Variants in ARSJ observed in about 807,000 individuals in gnomAD.
The protein encoded by ARSJ is arylsulfatase J.
In ARSJ, 26 loss-of-function variants were observed where a neutral mutation model predicts 35.9. The ratio of observed to expected loss-of-function variants is 0.72; its 90% confidence interval spans 0.53 to 1.00. The LOEUF is 1.00. Among genes scored for constraint, ARSJ ranks in the 50% least tolerant of loss-of-function variants. ARSJ has a pLI of 0.00. For missense variants in ARSJ, 667 were observed against 723.6 expected, an observed-to-expected ratio of 0.92 and a Z score of 0.90; for synonymous variants, 294 against 267.6, an observed-to-expected ratio of 1.10 and a Z score of -0.96.
chr4:113,912,340 A>G (rs2149252869), intron 1 of ARSJ, among the ~76,000 whole-genome samples: 1 of 152,332 alleles, frequency 6.6e-6, no homozygotes, highest in African/African-American at 2.4e-5. Context: ...AAAAGTGAGA[A>G]TTGCACAGCA....
chr4:113,979,035 G>T lies in ARSJ; in HGVS notation c.-201C>A. 1 of 521,442 alleles carries T rather than the reference G, an allele frequency of 1.9e-6. No individual in the cohort carries two copies. Among genetic ancestry groups the T allele is most frequent in the Non-Finnish European group, 3.3e-6 (1 of 302,076 alleles). 32.3% of individuals were successfully genotyped at this position (521,442 alleles called of 1,614,324 possible). ...ATGGGACTCCGGAAGAACAAGGAGG[G>T]CTCGCTCTTCTCCAGCACATTTCAC... On this transcript the variant is annotated 5_prime_UTR_variant, in exon 1 of 2. Coordinates refer to ENST00000315366, the MANE Select transcript of ARSJ (RefSeq NM_024590.4).
intron 1 of ARSJ, among the ~76,000 whole-genome samples, chr4:113,926,901 TG>T (rs1724105164): frequency 6.6e-6 from 1 of 152,272 alleles, no homozygotes; most frequent in South Asian, 2.1e-4. Flanking sequence ...AGGCCTCTGC[TG>T]TGATTCACTT....
intron 1 of ARSJ, among the ~76,000 whole-genome samples, chr4:113,932,681 A>G (rs1489976405): frequency 6.6e-6 from 1 of 151,984 alleles, no homozygotes; most frequent in African/African-American, 2.4e-5. Context: ...TATATAACAT[A>G]CCCAAGTCTA....
chr4:113,977,119 G>A (rs1484310198), intron 1 of ARSJ, among the ~76,000 whole-genome samples: 2 of 152,136 alleles, frequency 1.3e-5, no homozygotes, highest in African/African-American at 4.8e-5. Context: ...CATATATAAG[G>A]GTGTTTGGAA....
intron 1 of ARSJ, among the ~76,000 whole-genome samples, chr4:113,925,719 T>C (rs998845446): frequency 6.6e-6 from 1 of 152,098 alleles, no homozygotes; most frequent in Admixed American, 6.5e-5. Flanking sequence ...AGTCCACAGA[T>C]GGTAGTCTTG....
chr4:113,938,498 A>T lies in ARSJ; in HGVS notation c.399-34823T>A, dbSNP rs184467098. ...GCATGGGCAAAGATTTCATGATGAA[A>T]ACATCAAAAACAATTGCAACAAAAG... On this transcript the variant is annotated intron_variant, in intron 1 of 1. Coordinates refer to ENST00000315366, the MANE Select transcript of ARSJ (RefSeq NM_024590.4). Among the ~76,000 whole-genome samples, 370 of 152,150 alleles carry T rather than the reference A, an allele frequency of 2.4e-3. 2 individuals carry two copies. Among genetic ancestry groups the T allele is most frequent in the African/African-American group, 8.7e-3 (360 of 41,554 alleles).
At chr4:113,949,688 C>G (rs1245062410) in intron 1 of ARSJ, among the ~76,000 whole-genome samples, 2 of 152,094 alleles carry the variant, frequency 1.3e-5, no homozygotes, top group African/African-American at 4.8e-5. Flanking sequence ...AGTCTCTGTA[C>G]TAAGGACTTT....
At position 113,902,384 on chromosome 4, in the gene ARSJ, G is replaced by C. The variant is rs746158379; in HGVS notation, c.1690C>G (p.Pro564Ala). 1.2e-5 allele frequency: 19 copies of C among 1,613,354 alleles called. No individual in the cohort carries two copies. The South Asian group carries it at 2.1e-4, about 18-fold the overall frequency. The change falls in exon 2 of 2, where the codon CCA (proline) becomes GCA (alanine). Residue 564 changes from proline (P) to alanine (A), a missense_variant. Coordinates refer to ENST00000315366, the MANE Select transcript of ARSJ (RefSeq NM_024590.4). ...WYKEETKKKK[P>A]SKNQAEKKQK... ...TTTTTCTCAGCCTGATTTTTGCTTG[G>C]CTTCTTTTTCTTGGTTTCCTCTTTA...
chr4:113,934,452 G>T (rs1724646437), intron 1 of ARSJ, among the ~76,000 whole-genome samples: 1 of 151,720 alleles, frequency 6.6e-6, no homozygotes, highest in African/African-American at 2.4e-5. Flanking sequence ...TGGAACTGGA[G>T]GTCTTTATAT....
chr4:113,908,277 G>A (rs1197156077), intron 1 of ARSJ, among the ~76,000 whole-genome samples: 4 of 151,216 alleles, frequency 2.6e-5, no homozygotes, highest in African/African-American at 9.7e-5. Context: ...GCTAACACAG[G>A]AGAATACTCT....
chr4:113,977,929 A>G (rs113108392), intron 1 of ARSJ, among the ~76,000 whole-genome samples: 6 of 152,208 alleles, frequency 3.9e-5, no homozygotes, highest in African/African-American at 1.4e-4. Flanking sequence ...CCCATCAAAG[A>G]CCGAAGCAGA....
At chr4:113,967,594 A>C (rs1409278275) in intron 1 of ARSJ, among the ~76,000 whole-genome samples, 2 of 152,162 alleles carry the variant, frequency 1.3e-5, no homozygotes, top group Non-Finnish European at 2.9e-5. Context: ...ATAGGTGTAC[A>C]ATCCTATGCC....
intron 1 of ARSJ, among the ~76,000 whole-genome samples, chr4:113,960,798 T>A (rs1431540049): frequency 6.6e-6 from 1 of 151,994 alleles, no homozygotes; most frequent in Non-Finnish European, 1.5e-5. Flanking sequence ...AGGGCAGTGT[T>A]TTTCAAACAA....
intron 1 of ARSJ, among the ~76,000 whole-genome samples, chr4:113,905,191 A>G (rs1216733026): frequency 6.6e-6 from 1 of 152,228 alleles, no homozygotes; most frequent in Admixed American, 6.5e-5. Flanking sequence ...TATAAGTTGA[A>G]AAACACTTTT....
intron 1 of ARSJ, among the ~76,000 whole-genome samples, chr4:113,933,968 A>G (rs1225610394): frequency 6.6e-6 from 1 of 151,894 alleles, no homozygotes; most frequent in African/African-American, 2.4e-5. Flanking sequence ...TATGCAGACA[A>G]CATGGTCTCA....
At position 113,973,667 on chromosome 4, in the gene ARSJ, G is replaced by T. The variant is rs75497413; in HGVS notation, c.398+4770C>A. Among the ~76,000 whole-genome samples, 2,037 of 152,060 alleles carry T rather than the reference G, an allele frequency of 0.013. 115 individuals carry two copies. The East Asian group carries it at 0.16, about 12-fold the overall frequency. The stretch of plus-strand genomic sequence containing the variant: ...TCCTAGCAGATATTTTGTATCTCTC[G>T]CCCTCTCTCGTTAAACCTTCAGATC... On this transcript the variant is annotated intron_variant, in intron 1 of 1. Coordinates refer to ENST00000315366, the MANE Select transcript of ARSJ (RefSeq NM_024590.4).
At chr4:113,973,120 G>A (rs1727379821) in intron 1 of ARSJ, among the ~76,000 whole-genome samples, 1 of 152,054 alleles carries the variant, frequency 6.6e-6, no homozygotes, top group Non-Finnish European at 1.5e-5. Flanking sequence ...TTTCTCAATG[G>A]ATATCCATGG....
In ARSJ at chr4:113,902,057, C is replaced by A; in HGVS notation, c.*217G>T. 1 of 1,431,494 alleles carries A rather than the reference C, an allele frequency of 7.0e-7. No individual in the cohort carries two copies. The highest frequency in any genetic ancestry group is 2.5e-5 in the East Asian group (1 of 40,018). The allele number at this position is 1,431,494 out of a possible 1,614,324, so 88.7% of individuals were successfully genotyped here. The stretch of plus-strand genomic sequence containing the variant: ...AGCAAGAGAAATAAACATCTCCACT[C>A]TCTCTAAGTGTGGCTTGCAAGAGTA... On this transcript the variant is annotated 3_prime_UTR_variant, in exon 2 of 2. Transcript: ENST00000315366.
intron 1 of ARSJ, among the ~76,000 whole-genome samples, chr4:113,942,996 T>C (rs779412830): frequency 2.0e-5 from 3 of 152,036 alleles, no homozygotes; most frequent in Non-Finnish European, 2.9e-5. Flanking sequence ...TAAAGGTAGA[T>C]TTTGAATCTC....
Sources: gnomAD v4.1 joint callset for allele counts (sites outside exome capture counted in the v4.1 genomes callset) on GRCh38, gnomAD v4.1.1 for gene constraint, MANE v1.5 for transcripts, NCBI Gene and HGNC (gene_info 2026-07-23, HGNC 2026-07-21) for gene names.